ZNRF3: variants seen among roughly 807,000 people sequenced by gnomAD.
The protein encoded by ZNRF3 is E3 ubiquitin-protein ligase ZNRF3.
In ZNRF3, 23 loss-of-function variants were observed where a neutral mutation model predicts 72.5. The ratio of observed to expected loss-of-function variants is 0.32; its 90% CI spans 0.23 to 0.45. The LOEUF is 0.45. Ranked by LOEUF, ZNRF3 falls within the 20% of genes least tolerant of loss-of-function variation. The probability of loss-of-function intolerance (pLI) is 1.00; values close to 1 mark genes in which losing one functional copy is unlikely to be tolerated. For synonymous variants in ZNRF3, 610 were observed against 545.3 expected, an observed-to-expected ratio of 1.12 and a Z score of -1.65; for missense variants, 1,169 against 1,272.1, an observed-to-expected ratio of 0.92 and a Z score of 1.23.
chr22:28,983,014 A>C (rs115000575), intron 1 of ZNRF3, among the ~76,000 whole-genome samples: 1 of 152,176 alleles, frequency 6.6e-6, no homozygotes, highest in Non-Finnish European at 1.5e-5. Context: ...GGAAGGTGGA[A>C]TGGATGGTGA....
chr22:28,962,540 A>G (rs1342158853), intron 1 of ZNRF3, among the ~76,000 whole-genome samples: 1 of 152,236 alleles, frequency 6.6e-6, no homozygotes, highest in Non-Finnish European at 1.5e-5. Context: ...GAGGTGCTAC[A>G]GGCAGGCCAT....
At chr22:29,025,625 C>T (rs758011292) in intron 2 of ZNRF3, 6 of 151,110 alleles carry the variant, frequency 4.0e-5, no homozygotes, top group Admixed American at 6.6e-5. Flanking sequence ...AGCGCATGAT[C>T]TAGGCTCACG....
rs1385640869 is a variant in ZNRF3 at position 29,049,442 on chromosome 22, C to G, written c.1261C>G (p.Pro421Ala). ...QTPAYIRSYP[P>A]LHLDHSLAAH... ...CCCCGCCTACATCCGCAGCTACCCACCCCTCCACCTGGACCACAGCCTGGC... is the reference window on the plus strand; with the variant it reads ...CCCCGCCTACATCCGCAGCTACCCAGCCCTCCACCTGGACCACAGCCTGGC... The change falls in exon 8 of 9, where the codon CCC becomes GCC. Residue 421 changes from proline (P) to alanine (A), a missense_variant. This residue lies in a region of ZNRF3 where 783 missense variants were observed against 731.4 expected (regional missense o/e 1.07). Transcript: ENST00000544604. This position sits in a 1 kb window ranked among gnomAD's most constrained non-coding sequence, Gnocchi z 5.2. 5 of 1,605,650 alleles carry G rather than the reference C, an allele frequency of 3.1e-6. No homozygotes were observed. The highest frequency in any genetic ancestry group is 4.2e-6 in the Non-Finnish European group (5 of 1,179,470).
At chr22:28,889,916 G>A (rs950236481) in intron 1 of ZNRF3, among the ~76,000 whole-genome samples, 1 of 152,172 alleles carries the variant, frequency 6.6e-6, no homozygotes, top group Non-Finnish European at 1.5e-5. Context: ...TGGACCCCAT[G>A]GGGTCTGTTT....
intron 1 of ZNRF3, among the ~76,000 whole-genome samples, chr22:28,950,799 T>G (rs967093177): frequency 5.9e-5 from 9 of 152,214 alleles, no homozygotes; most frequent in Non-Finnish European, 1.0e-4. Context: ...TAGCAGTTCA[T>G]GGAATTGTAA....
intron 2 of ZNRF3, chr22:29,031,501 G>A (rs1403839761): frequency 4.6e-6 from 4 of 863,194 alleles, no homozygotes; most frequent in Non-Finnish European, 4.2e-6. Flanking sequence ...CTTGCCCAGC[G>A]AGAATGTCCT....
Position 28,883,717 on chromosome 22 carries a change from G to A in ZNRF3, c.-50G>A. 2.0e-6 allele frequency: 2 copies of A among 983,414 alleles called. No homozygotes were observed. The highest frequency in any genetic ancestry group is 2.4e-6 in the Non-Finnish European group (2 of 828,816). 60.9% of individuals were successfully genotyped at this position (983,414 alleles called of 1,614,324 possible). A position where few individuals can be genotyped will look rare whatever the true frequency, so the allele number is the denominator to read the frequency against. The stretch of plus-strand genomic sequence containing the variant: ...CCCGCGTTCGGTCCTCAGCCGGCCC[G>A]CGACTATGCCCGGCCGCGCCCGCCC... On this transcript the variant is annotated 5_prime_UTR_variant, in exon 1 of 9. Transcript: ENST00000544604. The surrounding 1 kb of genome is among the most constrained non-coding windows in gnomAD (Gnocchi z 5.5).
intron 1 of ZNRF3, among the ~76,000 whole-genome samples, chr22:28,925,682 A>G (rs2034587766): frequency 6.6e-6 from 1 of 152,090 alleles, no homozygotes; most frequent in Non-Finnish European, 1.5e-5. Flanking sequence ...TACATTTTTT[A>G]TCTATCTGTG....
At chr22:29,044,305 G>C (rs1047997388) in intron 4 of ZNRF3, among the ~76,000 whole-genome samples, 1 of 152,114 alleles carries the variant, frequency 6.6e-6, no homozygotes, top group Admixed American at 6.5e-5. Context: ...AAAAAAAAGC[G>C]CTTTGGTAAA....
In ZNRF3 at chr22:28,978,875, TCTC is replaced by T. The variant is rs369351513; in HGVS notation, c.301-8200_301-8198del. On this transcript the variant is annotated intron_variant, in intron 1 of 8. Coordinates refer to ENST00000544604, the MANE Select transcript of ZNRF3 (RefSeq NM_001206998.2). Reference sequence around the variant, plus strand: ...AAGATTTTGCTTTTCACTCCCCTCTTCTCATTCCTGCATTCTTCCAATGTAGTT... The same window carrying T: ...AAGATTTTGCTTTTCACTCCCCTCTTATTCCTGCATTCTTCCAATGTAGTT... 2.1e-3 allele frequency among the ~76,000 whole-genome samples: 320 copies of T among 152,316 alleles called. 5 individuals are homozygous for T. In the South Asian group the frequency reaches 0.022, roughly 11 times the overall value.
chr22:28,983,970 C>T (rs551953808), intron 1 of ZNRF3, among the ~76,000 whole-genome samples: 2 of 151,908 alleles, frequency 1.3e-5, no homozygotes, highest in Non-Finnish European at 2.9e-5. Context: ...TTCTGCAGGA[C>T]CCAGTTTCCT....
At chr22:28,912,844 T>A (rs1464624994) in intron 1 of ZNRF3, among the ~76,000 whole-genome samples, 1 of 152,066 alleles carries the variant, frequency 6.6e-6, no homozygotes, top group Non-Finnish European at 1.5e-5. Flanking sequence ...TTTTGTATTT[T>A]TAGTAGAGAT....
At chr22:29,007,855 C>T (rs538406307) in intron 2 of ZNRF3, among the ~76,000 whole-genome samples, 5 of 147,720 alleles carry the variant, frequency 3.4e-5, no homozygotes, top group African/African-American at 1.3e-4. Flanking sequence ...CTCCCAGGTT[C>T]AAGCAATTCT....
intron 1 of ZNRF3, among the ~76,000 whole-genome samples, chr22:28,897,854 G>A (rs2034028621): frequency 1.3e-5 from 2 of 152,122 alleles, no homozygotes; most frequent in Non-Finnish European, 1.5e-5. Context: ...TTACCGAACC[G>A]GAATTCTCCT....
chr22:28,970,977 A>G (rs2035564418), intron 1 of ZNRF3, among the ~76,000 whole-genome samples: 1 of 152,226 alleles, frequency 6.6e-6, no homozygotes, highest in South Asian at 2.1e-4. Flanking sequence ...AACTCACTAC[A>G]CATTGTTATC....
At chr22:28,935,513 C>T (rs2034803683) in intron 1 of ZNRF3, among the ~76,000 whole-genome samples, 1 of 152,196 alleles carries the variant, frequency 6.6e-6, no homozygotes, top group Non-Finnish European at 1.5e-5. Context: ...GAAATATCCT[C>T]ACTAGGCTCC....
At position 29,020,755 on chromosome 22, in the gene ZNRF3, CTT is replaced by C. The variant is rs1443701765; in HGVS notation, c.427-21738_427-21737del. Among the ~76,000 whole-genome samples, 81 of 136,192 alleles carry C rather than the reference CTT, an allele frequency of 5.9e-4. 1 individual carries two copies. The highest frequency in any genetic ancestry group is 2.4e-3 in the African/African-American group (78 of 31,916). The allele number at this position is 136,192 out of a possible 152,430, so 89.3% of individuals were successfully genotyped here. A position where few individuals can be genotyped will look rare whatever the true frequency, so the allele number is the denominator to read the frequency against. ...TTCATCCAGATTTCATTGAGAGGGG[CTT>C]TGTTTTTGTGTGTGTGTGGGTGTGT... On this transcript the variant is annotated intron_variant, in intron 2 of 8. Transcript: ENST00000544604.
intron 1 of ZNRF3, among the ~76,000 whole-genome samples, chr22:28,916,245 G>A (rs982775343): frequency 1.4e-4 from 22 of 151,910 alleles, no homozygotes; most frequent in African/African-American, 4.6e-4. Flanking sequence ...TTATTTTTTT[G>A]TAGAGGCGAG....
intron 1 of ZNRF3, among the ~76,000 whole-genome samples, chr22:28,923,792 C>T (rs2034548465): frequency 6.6e-6 from 1 of 152,226 alleles, no homozygotes; most frequent in Non-Finnish European, 1.5e-5. Flanking sequence ...AGTGATGTCC[C>T]CTCCCAAGGG....
Sources: gnomAD v4.1 joint callset for allele counts (sites outside exome capture counted in the v4.1 genomes callset) on GRCh38, gnomAD v4.1.1 for gene constraint, gnomAD v4.1.1 regional missense constraint, Gnocchi (gnomAD v3.1) non-coding constraint, MANE v1.5 for transcripts, NCBI Gene and HGNC (gene_info 2026-07-23, HGNC 2026-07-21) for gene names.